The following SP4 variants were observed in gnomAD, a reference collection of about 807,000 sequenced individuals.
SP4 encodes the protein Sp4 transcription factor, also known as transcription factor Sp4.
SP4 carries 19 observed loss-of-function variants against 72.8 expected under a neutral mutation model. That is an observed-to-expected ratio of 0.26 (90% CI 0.18 to 0.38). SP4 has a LOEUF of 0.38. Among genes scored for constraint, SP4 ranks in the 10% least tolerant of loss-of-function variants. The pLI, the probability that SP4 is intolerant of heterozygous loss-of-function variation, is 1.00. For missense variants in SP4, 1,008 were observed against 926.3 expected, an observed-to-expected ratio of 1.09 and a Z score of -1.14; for synonymous variants, 395 against 333.1, an observed-to-expected ratio of 1.19 and a Z score of -2.02.
intron 5 of SP4, 136 bp from the exon 6 acceptor site, chr7:21,510,886 T>A: frequency 2.5e-6 from 2 of 787,136 alleles, no homozygotes; most frequent in Non-Finnish European, 3.9e-6. Context: ...ATAACGTTTT[T>A]AAATAAAACA....
chr7:21,480,862 A>G (rs1042704146), intron 4 of SP4, among the ~76,000 whole-genome samples: 4 of 152,094 alleles, frequency 2.6e-5, no homozygotes, highest in Non-Finnish European at 4.4e-5. Flanking sequence ...ACTTCTTCAC[A>G]TTGTCTTGCA....
intron 5 of SP4, among the ~76,000 whole-genome samples, chr7:21,502,102 A>G (rs547668823): frequency 2.6e-4 from 38 of 146,264 alleles, no homozygotes; most frequent in African/African-American, 9.6e-4. Flanking sequence ...AGATACGTCA[A>G]ATCTCTCCGG....
chr7:21,510,977 C>T (rs1163540783), intron 5 of SP4, 45 bp from the exon 6 acceptor site: 3 of 1,538,168 alleles, frequency 2.0e-6, no homozygotes, highest in East Asian at 2.3e-5. Context: ...TATAATTTCA[C>T]TTAAGCAAAA....
intron 5 of SP4, among the ~76,000 whole-genome samples, chr7:21,509,316 T>C (rs1049492509): frequency 1.3e-5 from 2 of 152,000 alleles, no homozygotes; most frequent in African/African-American, 4.8e-5. Context: ...TCTGTTGACC[T>C]TTTTTTTCTC....
chr7:21,429,672 A>G lies in SP4; in HGVS notation c.507A>G (p.Pro169=). The G allele has an allele frequency of 6.2e-7, 1 of 1,614,206 alleles. No homozygotes were observed. Among genetic ancestry groups the G allele is most frequent in the Non-Finnish European group, 8.5e-7 (1 of 1,180,032 alleles). ...PSGSVQYQVI[P]QLQTVEGQQI... ...GTAGTGTACAGTACCAAGTAATTCCACAACTTCAGACAGTGGAAGGTCAAC... is the reference window on the plus strand; with the variant it reads ...GTAGTGTACAGTACCAAGTAATTCCGCAACTTCAGACAGTGGAAGGTCAAC... Residue 169 remains proline, a synonymous_variant, in exon 3 of 6, where the codon CCA becomes CCG. Coordinates refer to ENST00000222584, the MANE Select transcript of SP4 (RefSeq NM_003112.5).
chr7:21,453,256 G>A (rs1350877799), intron 3 of SP4, among the ~76,000 whole-genome samples: 3 of 152,148 alleles, frequency 2.0e-5, no homozygotes, highest in East Asian at 1.9e-4. Flanking sequence ...TTTCATGAGA[G>A]TCCTGAAAGG....
intron 5 of SP4, among the ~76,000 whole-genome samples, chr7:21,492,904 T>C (rs1785017175): frequency 6.6e-6 from 1 of 152,010 alleles, no homozygotes; most frequent in African/African-American, 2.4e-5. Context: ...CTTAACAAAT[T>C]TGAAATAAGA....
intron 3 of SP4, among the ~76,000 whole-genome samples, chr7:21,458,339 A>G (rs1783842555): frequency 6.6e-6 from 1 of 152,038 alleles, no homozygotes; most frequent in African/African-American, 2.4e-5. Context: ...ATTACAGGCA[A>G]CTGCCATCAT....
intron 5 of SP4, among the ~76,000 whole-genome samples, chr7:21,507,054 T>G (rs577845815): frequency 6.6e-6 from 1 of 152,308 alleles, no homozygotes; most frequent in East Asian, 1.9e-4. Context: ...ACTCTCCTGA[T>G]CATTCCCCTT....
rs530970988 is a variant in SP4, at chr7:21,505,329, A to C, written c.2108-5693A>C. Among the ~76,000 whole-genome samples the C allele has an allele frequency of 2.6e-5, 4 of 152,276 alleles. No individual in the cohort carries two copies. The South Asian group carries it at 8.3e-4, about 32-fold the overall frequency. On this transcript the variant is annotated intron_variant, in intron 5 of 5. Transcript: ENST00000222584. The stretch of plus-strand genomic sequence containing the variant: ...CTGCAGTTTGTTCTTAGATACTCGC[A>C]ATCCCCTTTCTCCTAGGAAATTAAG...
chr7:21,431,663 C>T (rs1003604259), intron 3 of SP4, among the ~76,000 whole-genome samples: 1 of 152,128 alleles, frequency 6.6e-6, no homozygotes, highest in South Asian at 2.1e-4. Context: ...TTCTGAAGTA[C>T]TTGGGAAGTA....
chr7:21,508,964 G>A (rs1473223319), intron 5 of SP4, among the ~76,000 whole-genome samples: 2 of 151,938 alleles, frequency 1.3e-5, no homozygotes, highest in Non-Finnish European at 1.5e-5. Context: ...ATCTGGCCAC[G>A]ACAAATTTAT....
chr7:21,474,557 G>T (rs1358552271), intron 3 of SP4, among the ~76,000 whole-genome samples: 1 of 152,160 alleles, frequency 6.6e-6, no homozygotes, highest in Non-Finnish European at 1.5e-5. Flanking sequence ...CTGAATACAT[G>T]TTCAAAAACA....
chr7:21,459,530 T>C (rs1361584344), intron 3 of SP4, among the ~76,000 whole-genome samples: 1 of 152,226 alleles, frequency 6.6e-6, no homozygotes, highest in Non-Finnish European at 1.5e-5. Context: ...CTTTGTGTTT[T>C]ACCCAGGTAA....
rs1782218590 is a variant in SP4 at position 21,514,514 on chromosome 7, C to T, written c.*3245C>T. On this transcript the variant is annotated 3_prime_UTR_variant, in exon 6 of 6. Transcript: ENST00000222584. ...TAAAAAGTTTTGTAGTAACATTTCA[C>T]TTGTAAATTTTTTTTGTAAAAAAAA... 1 of 123,934 alleles carries T rather than the reference C, an allele frequency of 8.1e-6. No homozygotes were observed. 7.7% of individuals were successfully genotyped at this position (123,934 alleles called of 1,614,324 possible).
intron 4 of SP4, among the ~76,000 whole-genome samples, chr7:21,479,541 A>G (rs55934020): frequency 1.3e-5 from 2 of 152,192 alleles, no homozygotes; most frequent in Admixed American, 1.3e-4. Context: ...TGGATTTGTA[A>G]TAACTTTTGA....
At chr7:21,470,906 C>T (rs933403943) in intron 3 of SP4, among the ~76,000 whole-genome samples, 1 of 152,002 alleles carries the variant, frequency 6.6e-6, no homozygotes, top group Non-Finnish European at 1.5e-5. Context: ...AGTTACAATA[C>T]CAAGAAATTT....
At chr7:21,508,442 T>C (rs1782062016) in intron 5 of SP4, among the ~76,000 whole-genome samples, 1 of 152,180 alleles carries the variant, frequency 6.6e-6, no homozygotes, top group African/African-American at 2.4e-5. Flanking sequence ...TTCTCCTGCC[T>C]CAGCCTCCCA....
chr7:21,509,983 AAG>A (rs777021796), intron 5 of SP4, among the ~76,000 whole-genome samples: 3 of 152,194 alleles, frequency 2.0e-5, no homozygotes, highest in Non-Finnish European at 2.9e-5. Flanking sequence ...GTGGCAGGCA[AAG>A]AGAGAATAAG....
Sources: gnomAD v4.1 joint callset for allele counts (sites outside exome capture counted in the v4.1 genomes callset) on GRCh38, gnomAD v4.1.1 for gene constraint, MANE v1.5 for transcripts, NCBI Gene and HGNC (gene_info 2026-07-23, HGNC 2026-07-21) for gene names.